The following PDZRN3 variants were observed in gnomAD, a reference collection of about 807,000 sequenced individuals.
PDZRN3 encodes PDZ domain containing ring finger 3.
In PDZRN3, 38 loss-of-function variants were observed where a neutral mutation model predicts 85.7. That is an observed-to-expected ratio of 0.44 (90% CI 0.34 to 0.58). The LOEUF is 0.58. Among genes scored for constraint, PDZRN3 ranks in the 20% least tolerant of loss-of-function variants. PDZRN3 has a pLI of 0.01. For synonymous variants in PDZRN3, 759 were observed against 638.0 expected (o/e 1.19, Z -2.86); for missense variants, 1,629 against 1,506.4 (o/e 1.08, Z -1.35).
intron 3 of PDZRN3, among the ~76,000 whole-genome samples, chr3:73,531,303 G>A (rs1704649686): frequency 6.7e-6 from 1 of 150,150 alleles, no homozygotes; most frequent in South Asian, 2.1e-4. Flanking sequence ...AAAAGGTGTT[G>A]GAAAATGAAC....
chr3:73,399,172 A>T (rs920645803), intron 5 of PDZRN3, among the ~76,000 whole-genome samples: 2 of 152,358 alleles, frequency 1.3e-5, no homozygotes, highest in Admixed American at 1.3e-4. Flanking sequence ...GTTTAACTAA[A>T]TACCAAAGAC....
intron 3 of PDZRN3, among the ~76,000 whole-genome samples, chr3:73,595,747 C>T (rs1241648352): frequency 6.6e-6 from 1 of 152,072 alleles, no homozygotes; most frequent in Non-Finnish European, 1.5e-5. Context: ...CTAGGAATTA[C>T]AAACTGGATT....
intron 3 of PDZRN3, among the ~76,000 whole-genome samples, chr3:73,529,210 T>C (rs1704597085): frequency 6.6e-6 from 1 of 152,236 alleles, no homozygotes; most frequent in Non-Finnish European, 1.5e-5. Context: ...AAACACGGAC[T>C]AAGAAATCTC....
chr3:73,449,178 AGAG>A (rs2106838143), intron 3 of PDZRN3, among the ~76,000 whole-genome samples: 1 of 152,336 alleles, frequency 6.6e-6, no homozygotes, highest in East Asian at 1.9e-4. Flanking sequence ...GGAAATGAAA[AGAG>A]GAGACAGAAG....
intron 3 of PDZRN3, among the ~76,000 whole-genome samples, chr3:73,406,739 G>A (rs1379481119): frequency 6.6e-6 from 1 of 152,196 alleles, no homozygotes; most frequent in Non-Finnish European, 1.5e-5. Context: ...AAAGGAATAA[G>A]AATGGGATTT....
intron 3 of PDZRN3, among the ~76,000 whole-genome samples, chr3:73,478,845 A>G (rs563268795): frequency 4.0e-4 from 61 of 152,378 alleles, no homozygotes; most frequent in Non-Finnish European, 5.9e-4. Flanking sequence ...ATAACCCACA[A>G]GAGATTAAAA....
At chr3:73,578,271 G>A (rs888882560) in intron 3 of PDZRN3, among the ~76,000 whole-genome samples, 13 of 150,634 alleles carry the variant, frequency 8.6e-5, no homozygotes, top group East Asian at 5.9e-4. Flanking sequence ...CCAGGTCCAC[G>A]CGATTCTCCT....
chr3:73,607,500 A>G (rs1045330846), intron 2 of PDZRN3, among the ~76,000 whole-genome samples: 2 of 152,066 alleles, frequency 1.3e-5, no homozygotes, highest in Non-Finnish European at 2.9e-5. Flanking sequence ...TGCTCTCCCA[A>G]CTCATCAGTC....
At chr3:73,468,835 C>T (rs900914102) in intron 3 of PDZRN3, among the ~76,000 whole-genome samples, 2 of 152,118 alleles carry the variant, frequency 1.3e-5, no homozygotes, top group African/African-American at 4.8e-5. Context: ...TAAACTTGGG[C>T]TTATCACCTA....
chr3:73,608,445 T>C (rs1025220968), intron 2 of PDZRN3, among the ~76,000 whole-genome samples, 153 bp downstream of exon 2: 1 of 152,144 alleles, frequency 6.6e-6, no homozygotes. Flanking sequence ...AATCCCTAAG[T>C]GTGAAGATGT....
chr3:73,414,125 CTCAGAG>C (rs2106755344), intron 3 of PDZRN3, among the ~76,000 whole-genome samples: 1 of 152,314 alleles, frequency 6.6e-6, no homozygotes, highest in South Asian at 2.1e-4. Context: ...TCAGTCATGT[CTCAGAG>C]TCAGAGAAAT....
intron 3 of PDZRN3, among the ~76,000 whole-genome samples, chr3:73,439,283 A>G (rs563056394): frequency 6.6e-6 from 1 of 152,356 alleles, no homozygotes; most frequent in African/African-American, 2.4e-5. Context: ...TTGGGAGTAC[A>G]GTAGTGAGCA....
At chr3:73,531,613 T>A (rs1380949609) in intron 3 of PDZRN3, among the ~76,000 whole-genome samples, 1 of 152,182 alleles carries the variant, frequency 6.6e-6, no homozygotes, top group Non-Finnish European at 1.5e-5. Flanking sequence ...GACAGGCTCC[T>A]CAGAAGGAGG....
At chr3:73,469,077 CTT>C (rs536974688) in intron 3 of PDZRN3, among the ~76,000 whole-genome samples, 12 of 144,076 alleles carry the variant, frequency 8.3e-5, no homozygotes, top group African/African-American at 1.0e-4. Context: ...AAAGATTCAT[CTT>C]TTTTTTTTTT....
At chr3:73,607,390 A>C (rs1057102635) in intron 2 of PDZRN3, among the ~76,000 whole-genome samples, 2 of 152,120 alleles carry the variant, frequency 1.3e-5, no homozygotes, top group Admixed American at 1.3e-4. Flanking sequence ...ACTCAGCTCC[A>C]ACGGCCCCTC....
intron 3 of PDZRN3, among the ~76,000 whole-genome samples, chr3:73,583,425 T>C (rs919239525): frequency 6.6e-6 from 1 of 152,228 alleles, no homozygotes; most frequent in Non-Finnish European, 1.5e-5. Context: ...AGCCTCAGGC[T>C]AGCAGTTGAT....
chr3:73,545,989 C>T (rs1701414793), intron 3 of PDZRN3, among the ~76,000 whole-genome samples: 2 of 152,122 alleles, frequency 1.3e-5, no homozygotes, highest in Admixed American at 6.5e-5. Context: ...TGCTAAAATA[C>T]AAATAAGCTC....
In PDZRN3 at chr3:73,432,146, C is replaced by A. The variant is rs190082013; in HGVS notation, c.919-27751G>T. Among the ~76,000 whole-genome samples, 71 of 152,330 alleles carry A rather than the reference C, an allele frequency of 4.7e-4. No homozygotes were observed. In the East Asian group the frequency reaches 0.013, roughly 27 times the overall value. ...CAGAACCACCTTGCCCAAATGGCAGCGTCTGCTGTTCCACTTGTTTCCTGC... is the reference window on the plus strand; with the variant it reads ...CAGAACCACCTTGCCCAAATGGCAGAGTCTGCTGTTCCACTTGTTTCCTGC... On this transcript the variant is annotated intron_variant, in intron 3 of 9. Transcript: ENST00000263666.
At chr3:73,606,885 T>A (rs978875405) in intron 2 of PDZRN3, among the ~76,000 whole-genome samples, 1 of 152,246 alleles carries the variant, frequency 6.6e-6, no homozygotes, top group African/African-American at 2.4e-5. Context: ...TCTCTTTGTG[T>A]CATTCCCTTC....
Sources: gnomAD v4.1 joint callset for allele counts (sites outside exome capture counted in the v4.1 genomes callset) on GRCh38, gnomAD v4.1.1 for gene constraint, MANE v1.5 for transcripts, NCBI Gene and HGNC (gene_info 2026-07-23, HGNC 2026-07-21) for gene names.